The following CSMD1 variants were observed in gnomAD, a reference collection of about 807,000 sequenced individuals.
CSMD1 encodes the protein CUB and Sushi multiple domains 1.
A neutral mutation model predicts 417.5 loss-of-function variants in CSMD1; 213 were observed. That is an observed-to-expected ratio of 0.51 (90% CI 0.46 to 0.57). The LOEUF is 0.57. CSMD1 is among the 20% of genes least tolerant of loss of function. CSMD1 has a pLI of 0.00. For missense variants in CSMD1, 6,923 were observed against 4,529.7 expected (o/e 1.53, Z -15.17); for synonymous variants, 2,862 against 1,736.8 (o/e 1.65, Z -16.11).
At chr8:4,366,116 T>C (rs1183597185) in intron 3 of CSMD1, among the ~76,000 whole-genome samples, 3 of 152,090 alleles carry the variant, frequency 2.0e-5, no homozygotes, top group Non-Finnish European at 4.4e-5. Context: ...GCACCTGTTG[T>C]TCCCTACTTT....
chr8:4,129,514 C>T (rs17427521), intron 3 of CSMD1, among the ~76,000 whole-genome samples: 24,065 of 152,040 alleles, frequency 0.16, 2,044 homozygotes, highest in Middle Eastern at 0.2. Context: ...TGACATTTTG[C>T]CAGGGCATAG....
intron 1 of CSMD1, among the ~76,000 whole-genome samples, chr8:4,762,147 G>C (rs965407818): frequency 9.9e-5 from 15 of 152,110 alleles, no homozygotes; most frequent in African/African-American, 3.4e-4. Flanking sequence ...TAAAAGGTAA[G>C]ATGTCACCAC....
At chr8:4,451,202 G>A (rs77145446) in intron 2 of CSMD1, among the ~76,000 whole-genome samples, 4 of 152,092 alleles carry the variant, frequency 2.6e-5, no homozygotes, top group Non-Finnish European at 4.4e-5. Context: ...GATGAGGCAT[G>A]TGCCTGTAGT....
At chr8:4,093,967 T>TAGAC (rs1554445802) in intron 3 of CSMD1, among the ~76,000 whole-genome samples, 10 of 103,650 alleles carry the variant, frequency 9.6e-5, no homozygotes, top group Non-Finnish European at 1.9e-4. Flanking sequence ...ACATCTCAAA[T>TAGAC]AGATAGATAG....
chr8:4,604,189 A>G (rs1585317518), intron 2 of CSMD1, among the ~76,000 whole-genome samples: 1 of 152,108 alleles, frequency 6.6e-6, no homozygotes, highest in African/African-American at 2.4e-5. Context: ...CATAATCGGA[A>G]AGTTAGCAAC....
chr8:4,421,618 A>G (rs1797252024), intron 2 of CSMD1, among the ~76,000 whole-genome samples: 1 of 152,108 alleles, frequency 6.6e-6, no homozygotes, highest in African/African-American at 2.4e-5. Flanking sequence ...CAAGGAAAAT[A>G]AAAATACAGA....
At chr8:4,463,756 A>G (rs1585119867) in intron 2 of CSMD1, among the ~76,000 whole-genome samples, 1 of 152,318 alleles carries the variant, frequency 6.6e-6, no homozygotes, top group East Asian at 1.9e-4. Flanking sequence ...CTGAGGGAAA[A>G]TAGTGAGTGG....
chr8:4,104,669 G>C (rs1371973528), intron 3 of CSMD1, among the ~76,000 whole-genome samples: 2 of 152,136 alleles, frequency 1.3e-5, no homozygotes, highest in Non-Finnish European at 2.9e-5. Context: ...CCACAGACTA[G>C]TAAAACAGCA....
chr8:3,775,813 G>T (rs1798859546), intron 5 of CSMD1, among the ~76,000 whole-genome samples: 1 of 152,196 alleles, frequency 6.6e-6, no homozygotes, highest in Non-Finnish European at 1.5e-5. Context: ...GTCATCATGG[G>T]GTCCATTGCT....
intron 40 of CSMD1, among the ~76,000 whole-genome samples, chr8:3,146,074 T>A (rs1432605309): frequency 1.3e-5 from 2 of 152,228 alleles, no homozygotes; most frequent in Non-Finnish European, 1.5e-5. Context: ...CTATGGAATT[T>A]ATTGAACATT....
chr8:4,070,174 G>T (rs1041505381), intron 3 of CSMD1, among the ~76,000 whole-genome samples: 2 of 151,998 alleles, frequency 1.3e-5, no homozygotes, highest in South Asian at 4.1e-4. Context: ...TGCAATTTTA[G>T]AGGTGCATTT....
In CSMD1 at chr8:4,021,941, T is replaced by C. The variant is rs113364915; in HGVS notation, c.610+9964A>G. Among the ~76,000 whole-genome samples, 673 of 152,112 alleles carry C rather than the reference T, an allele frequency of 4.4e-3. 7 individuals are homozygous for C. The highest frequency in any genetic ancestry group is 0.015 in the African/African-American group (633 of 41,516). ...AAAGCTGACTAGCTCTTTTGATCTT[T>C]ATTTTTTTCAACTAGCTTCAGTCAA... is the stretch of plus-strand genomic sequence containing the variant. On this transcript the variant is annotated intron_variant, in intron 4 of 69. Transcript: ENST00000635120.
intron 5 of CSMD1, among the ~76,000 whole-genome samples, chr8:3,757,462 G>T (rs1797722286): frequency 6.6e-6 from 1 of 152,028 alleles, no homozygotes; most frequent in African/African-American, 2.4e-5. Flanking sequence ...CTTTTTGATT[G>T]TATTTTTTCA....
chr8:3,155,414 A>G (rs557352660), intron 39 of CSMD1, among the ~76,000 whole-genome samples: 1 of 91,918 alleles, frequency 1.1e-5, no homozygotes, highest in African/African-American at 3.9e-5. Context: ...GTCACCCAGG[A>G]TGGAGTGCAG....
At chr8:3,528,219 G>C (rs1797834339) in intron 10 of CSMD1, among the ~76,000 whole-genome samples, 1 of 152,204 alleles carries the variant, frequency 6.6e-6, no homozygotes, top group Non-Finnish European at 1.5e-5. Flanking sequence ...ATTAAGTACT[G>C]CATTTTGAAT....
intron 1 of CSMD1, among the ~76,000 whole-genome samples, chr8:4,819,821 C>T (rs1799417923): frequency 6.6e-6 from 1 of 152,050 alleles, no homozygotes; most frequent in Non-Finnish European, 1.5e-5. Flanking sequence ...GTGGAGGTTC[C>T]ATTCCTCCAA....
chr8:3,553,752 T>C (rs1413596024), intron 10 of CSMD1, among the ~76,000 whole-genome samples: 1 of 152,218 alleles, frequency 6.6e-6, no homozygotes, highest in South Asian at 2.1e-4. Context: ...TATAAATTAA[T>C]AAATCTAGAG....
At chr8:4,492,300 G>C (rs953873783) in intron 2 of CSMD1, among the ~76,000 whole-genome samples, 1 of 152,104 alleles carries the variant, frequency 6.6e-6, no homozygotes, top group Admixed American at 6.6e-5. Flanking sequence ...ATGTTGCCCA[G>C]GATGGTCTCA....
At position 3,343,307 on chromosome 8, in the gene CSMD1, T is replaced by G; in HGVS notation, c.3618A>C (p.Gln1206His). Residue 1206 changes from glutamine (Q) to histidine (H), a missense_variant, in exon 23 of 70, where the codon CAA (glutamine) becomes CAC (histidine). Gln to His is a conservative substitution (Grantham distance 24). Coordinates refer to ENST00000635120, the MANE Select transcript of CSMD1 (RefSeq NM_033225.6). ...TNGSDTDQGF[Q>H]LTYTSFDLVK... The stretch of plus-strand genomic sequence containing the variant: ...TATGTTACTTACTGGTATAGGTGAG[T>G]TGAAAACCTTGGTCGGTGTCAGATC... 6.2e-7 allele frequency: 1 copy of G among 1,613,600 alleles called. No homozygotes were observed. The highest frequency in any genetic ancestry group is 1.1e-5 in the South Asian group (1 of 91,072).
Sources: allele counts gnomAD v4.1 joint callset (sites outside exome capture counted in the v4.1 genomes callset), GRCh38; gene constraint gnomAD v4.1.1; transcripts MANE v1.5; gene names NCBI Gene and HGNC (gene_info 2026-07-23, HGNC 2026-07-21).